The following GLS variants were observed in gnomAD, a reference collection of about 807,000 sequenced individuals.
GLS encodes the protein glutaminase, also known as glutaminase kidney isoform, mitochondrial.
A neutral mutation model predicts 86.7 loss-of-function variants in GLS; 36 were observed. The observed-to-expected ratio is 0.42, with a 90% CI of 0.32 to 0.55. GLS has a LOEUF of 0.55. Ranked by LOEUF, GLS falls within the 20% of genes least tolerant of loss-of-function variation. The probability of loss-of-function intolerance (pLI) is 0.17; values close to 1 mark genes in which losing one functional copy is unlikely to be tolerated. For missense variants in GLS, 528 were observed against 833.4 expected (o/e 0.63, Z 4.51); for synonymous variants, 317 against 305.9 (o/e 1.04, Z -0.38).
At position 190,962,741 on chromosome 2, in the gene GLS, A is replaced by C. The variant is rs1041807247; in HGVS notation, c.1854-89A>C. The C allele has an allele frequency of 1.2e-6, 1 of 819,372 alleles. No homozygotes were observed. The highest frequency in any genetic ancestry group is 1.7e-6 in the Non-Finnish European group (1 of 571,918). 50.8% of individuals were successfully genotyped at this position (819,372 alleles called of 1,614,324 possible). Reference sequence around the variant, plus strand: ...CTAAAATAGCTAAATTTGGCCATTTAACCTGCATTTAAAATCTAGGAATGT... The same window carrying C: ...CTAAAATAGCTAAATTTGGCCATTTCACCTGCATTTAAAATCTAGGAATGT... On this transcript the variant is annotated intron_variant, in intron 17 of 17. Transcript: ENST00000320717. The surrounding 1 kb of genome is among the most constrained non-coding windows in gnomAD (Gnocchi z 4.2).
At position 190,954,682 on chromosome 2, in the gene GLS, T is replaced by A. The variant is rs1038824475; in HGVS notation, c.1789+22T>A. ...GAGGGTAATACAGGAACTACTCCTA[T>A]CTATTTTCTTTCCAGATTTAATTTC... On this transcript the variant is annotated intron_variant, in intron 16 of 17. Transcript: ENST00000320717. The surrounding 1 kb of genome is among the most constrained non-coding windows in gnomAD (Gnocchi z 4.0). 6.2e-7 allele frequency: 1 copy of A among 1,606,990 alleles called. No homozygotes were observed. Among genetic ancestry groups the A allele is most frequent in the South Asian group, 1.1e-5 (1 of 90,926 alleles).
At chr2:190,942,793 G>A (rs1332203205) in intron 14 of GLS, among the ~76,000 whole-genome samples, 1 of 152,018 alleles carries the variant, frequency 6.6e-6, no homozygotes, top group Non-Finnish European at 1.5e-5. Flanking sequence ...AACATATGGG[G>A]GTTATTTTTC....
At position 190,949,293 on chromosome 2, in the gene GLS, T is replaced by C. The variant is rs1481220082; in HGVS notation, c.1651-4272T>C. ...TGATTAGAGCAATGTTTTGAGAATA[T>C]GATTAGAAGTATGTGGAGAGGTTTT... On this transcript the variant is annotated intron_variant, in intron 14 of 17. Transcript: ENST00000320717. The surrounding 1 kb of genome is among the most constrained non-coding windows in gnomAD (Gnocchi z 4.0). 1.3e-5 allele frequency among the ~76,000 whole-genome samples: 2 copies of C among 152,090 alleles called. No homozygotes were observed. The highest frequency in any genetic ancestry group is 2.9e-5 in the Non-Finnish European group (2 of 68,012).
chr2:190,923,416 A>G (rs1689808733), intron 9 of GLS, among the ~76,000 whole-genome samples: 1 of 152,194 alleles, frequency 6.6e-6, no homozygotes, highest in Non-Finnish European at 1.5e-5. Flanking sequence ...TAACCCGTTC[A>G]TGATGCATGG....
chr2:190,953,153 G>T lies in GLS; in HGVS notation c.1651-412G>T, dbSNP rs1278813226. Among the ~76,000 whole-genome samples the T allele has an allele frequency of 6.6e-6, 1 of 152,146 alleles. No homozygotes were observed. Among genetic ancestry groups the T allele is most frequent in the Admixed American group, 6.5e-5 (1 of 15,270 alleles). ...GGTGAGGATAGTGATTCTTGGCAGG[G>T]ATTAGACATTTATATAGCATGATTT... On this transcript the variant is annotated intron_variant, in intron 14 of 17. Coordinates refer to ENST00000320717, the MANE Select transcript of GLS (RefSeq NM_014905.5). The surrounding 1 kb of genome is among the most constrained non-coding windows in gnomAD (Gnocchi z 4.0).
At chr2:190,898,424 C>T (rs927438532) in intron 3 of GLS, among the ~76,000 whole-genome samples, 4 of 152,174 alleles carry the variant, frequency 2.6e-5, no homozygotes, top group South Asian at 2.1e-4. Flanking sequence ...TAGTTAGACT[C>T]ATGGTATCTA....
At chr2:190,902,433 T>C (rs1688978261) in intron 5 of GLS, among the ~76,000 whole-genome samples, 2 of 152,134 alleles carry the variant, frequency 1.3e-5, no homozygotes, top group Non-Finnish European at 2.9e-5. Flanking sequence ...AAAATTAGCA[T>C]GAGAATTAAG....
chr2:190,901,916 T>G lies in GLS; in HGVS notation c.736-31T>G, dbSNP rs762767876. 1.0e-5 allele frequency: 13 copies of G among 1,247,908 alleles called. No homozygotes were observed. The East Asian group carries it at 3.0e-4, about 29-fold the overall frequency. The allele number at this position is 1,247,908 out of a possible 1,614,324, so 77.3% of individuals were successfully genotyped here. A position where few individuals can be genotyped will look rare whatever the true frequency, so the allele number is the denominator to read the frequency against. On this transcript the variant is annotated intron_variant, in intron 4 of 17. Transcript: ENST00000320717. ...AAATACATTATTTGTCAATATTATA[T>G]CTATTCATTTCTTTCCAATCTTTTG... is the stretch of plus-strand genomic sequence containing the variant.
Position 190,901,939 on chromosome 2 carries a change from T to C in GLS, c.736-8T>C. 3 of 1,560,418 alleles carry C rather than the reference T, an allele frequency of 1.9e-6. No individual in the cohort carries two copies. Among genetic ancestry groups the C allele is most frequent in the Non-Finnish European group, 1.8e-6 (2 of 1,131,320 alleles). The stretch of plus-strand genomic sequence containing the variant: ...TATCTATTCATTTCTTTCCAATCTT[T>C]TGGATAGGTTGCAGATTATATTCCT... On this transcript the variant is annotated splice_polypyrimidine_tract_variant and splice_region_variant and intron_variant, in intron 4 of 17. Coordinates refer to ENST00000320717, the MANE Select transcript of GLS (RefSeq NM_014905.5).
chr2:190,905,126 C>T lies in GLS; in HGVS notation c.938C>T (p.Pro313Leu), dbSNP rs1558973667. 1 of 1,605,132 alleles carries T rather than the reference C, an allele frequency of 6.2e-7. No individual in the cohort carries two copies. The highest frequency in any genetic ancestry group is 8.5e-7 in the Non-Finnish European group (1 of 1,172,880). The change falls in exon 6 of 18, where the codon CCG (proline) becomes CTG (leucine). Residue 313 changes from proline (P) to leucine (L), a missense_variant. By Grantham distance (98) the Pro-to-Leu change is moderately conservative. This residue lies in a region of GLS where 163 missense variants were observed against 429.2 expected (regional missense o/e 0.38). Coordinates refer to ENST00000320717, the MANE Select transcript of GLS (RefSeq NM_014905.5). This position sits in a 1 kb window ranked among gnomAD's most constrained non-coding sequence, Gnocchi z 4.6. ...EYVHRYVGKE[P>L]SGLRFNKLFL... ...GTGCATCGATATGTTGGAAAAGAGC[C>T]GAGTGGACTAAGATTCAACAAACTA... is the stretch of plus-strand genomic sequence containing the variant.
Position 190,881,055 on chromosome 2 carries a change from T to A in GLS, c.-30T>A. The A allele has an allele frequency of 6.5e-7, 1 of 1,536,004 alleles. No individual in the cohort carries two copies. Among genetic ancestry groups the A allele is most frequent in the African/African-American group, 1.4e-5 (1 of 73,140 alleles). Reference sequence around the variant, plus strand: ...CGCCCACGCCCGGAGCATCCTCCCCTGTTGAGCGGGCGCTGACGGACCCGG... The same window carrying A: ...CGCCCACGCCCGGAGCATCCTCCCCAGTTGAGCGGGCGCTGACGGACCCGG... On this transcript the variant is annotated 5_prime_UTR_variant, in exon 1 of 18. Coordinates refer to ENST00000320717, the MANE Select transcript of GLS (RefSeq NM_014905.5).
In GLS at chr2:190,895,218, A is replaced by G. The variant is rs778179213; in HGVS notation, c.453A>G (p.Gln151=). ...TGTTCTATACAATTGCTGAAGGACA[A>G]GAGAAAATACCTGTTCATAAATTTA... The part of the protein sequence containing the change: ...DLLFYTIAEG[Q]EKIPVHKFIT... The change falls in exon 2 of 18, where the codon CAA becomes CAG. Residue 151 remains glutamine, a synonymous_variant. Coordinates refer to ENST00000320717, the MANE Select transcript of GLS (RefSeq NM_014905.5). This position sits in a 1 kb window ranked among gnomAD's most constrained non-coding sequence, Gnocchi z 4.2. The G allele has an allele frequency of 2.7e-5, 40 of 1,506,520 alleles. No homozygotes were observed. The highest frequency in any genetic ancestry group is 7.4e-6 in the Non-Finnish European group (8 of 1,085,802). 93.3% of individuals were successfully genotyped at this position (1,506,520 alleles called of 1,614,324 possible).
rs745364118 is a variant in GLS at position 190,913,151 on chromosome 2, T to C, written c.1038+2830T>C. The C allele has an allele frequency of 3.5e-5, 45 of 1,295,020 alleles. No individual in the cohort carries two copies. The highest frequency in any genetic ancestry group is 5.6e-5 in the East Asian group (1 of 17,976). The allele number at this position is 1,295,020 out of a possible 1,614,324, so 80.2% of individuals were successfully genotyped here. A position where few individuals can be genotyped will look rare whatever the true frequency, so the allele number is the denominator to read the frequency against. ...TTAAGTAGAGTCTTTAGTAAGACTC[T>C]TGATTTCATAATTTTGTAGTATTGA... is the stretch of plus-strand genomic sequence containing the variant. On this transcript the variant is annotated intron_variant, in intron 7 of 17. Coordinates refer to ENST00000320717, the MANE Select transcript of GLS (RefSeq NM_014905.5). The surrounding 1 kb of genome is among the most constrained non-coding windows in gnomAD (Gnocchi z 6.1).
intron 14 of GLS, among the ~76,000 whole-genome samples, chr2:190,945,475 A>G (rs1335211170): frequency 6.6e-6 from 1 of 151,982 alleles, no homozygotes; most frequent in Non-Finnish European, 1.5e-5. Flanking sequence ...AGCCTGGGCA[A>G]CATAGTGAGA....
In GLS at chr2:190,953,695, ATT is replaced by A. The variant is rs1391764679; in HGVS notation, c.1712+72_1712+73del. ...TGAAGTTGCTTCTGGGCGAGCAGCC[ATT>A]TTAAGGTTAAAGTCTCACTTTTCTT... On this transcript the variant is annotated intron_variant, in intron 15 of 17. Coordinates refer to ENST00000320717, the MANE Select transcript of GLS (RefSeq NM_014905.5). The surrounding 1 kb of genome is among the most constrained non-coding windows in gnomAD (Gnocchi z 4.0). 1.9e-6 allele frequency: 2 copies of A among 1,078,526 alleles called. No homozygotes were observed. The highest frequency in any genetic ancestry group is 3.1e-5 in the African/African-American group (2 of 64,344). 66.8% of individuals were successfully genotyped at this position (1,078,526 alleles called of 1,614,324 possible).
At chr2:190,944,150 C>T (rs1690520974) in intron 14 of GLS, among the ~76,000 whole-genome samples, 2 of 151,320 alleles carry the variant, frequency 1.3e-5, no homozygotes, top group African/African-American at 4.8e-5. Context: ...TTTTAATTTA[C>T]ACAAAATGGT....
chr2:190,895,881 A>G lies in GLS; in HGVS notation c.605+156A>G, dbSNP rs937233382. On this transcript the variant is annotated intron_variant, in intron 3 of 17. Coordinates refer to ENST00000320717, the MANE Select transcript of GLS (RefSeq NM_014905.5). The surrounding 1 kb of genome is among the most constrained non-coding windows in gnomAD (Gnocchi z 4.2). ...TTGTTTGAAGAACTTGGTACATATT[A>G]GGTTCTATAATACACCGGGCTAAGA... The G allele has an allele frequency of 1.7e-5, 9 of 528,266 alleles. No homozygotes were observed. Among genetic ancestry groups the G allele is most frequent in the African/African-American group, 1.7e-4 (9 of 52,916 alleles). The allele number at this position is 528,266 out of a possible 1,614,324, so 32.7% of individuals were successfully genotyped here.
At chr2:190,932,086 A>G (rs998631869) in intron 14 of GLS, among the ~76,000 whole-genome samples, 10 of 151,420 alleles carry the variant, frequency 6.6e-5, no homozygotes, top group Non-Finnish European at 1.5e-4. Context: ...TAAATGGAAA[A>G]GGATTATCAT....
intron 4 of GLS, 51 bp downstream of exon 4, chr2:190,900,744 A>G (rs1256893999): frequency 2.0e-6 from 3 of 1,483,488 alleles, no homozygotes; most frequent in Non-Finnish European, 2.8e-6. Context: ...TAATAAATTC[A>G]GCTTAATTTG....
Sources: gnomAD v4.1 joint callset for allele counts (sites outside exome capture counted in the v4.1 genomes callset) on GRCh38, gnomAD v4.1.1 for gene constraint, gnomAD v4.1.1 regional missense constraint, Gnocchi (gnomAD v3.1) non-coding constraint, MANE v1.5 for transcripts, NCBI Gene and HGNC (gene_info 2026-07-23, HGNC 2026-07-21) for gene names.